Variants in CIT observed in about 807,000 individuals in gnomAD.
The protein encoded by CIT is citron Rho-interacting kinase.
Under a neutral mutation model 272.7 loss-of-function variants are expected in CIT, and 79 were observed. The observed-to-expected ratio is 0.29, with a 90% CI of 0.24 to 0.35. CIT has a LOEUF of 0.35. Ranked by LOEUF, CIT falls within the 10% of genes least tolerant of loss-of-function variation. The pLI, the probability that CIT is intolerant of heterozygous loss-of-function variation, is 1.00. For synonymous variants in CIT, 948 were observed against 995.6 expected (o/e 0.95, Z 0.90); for missense variants, 1,909 against 2,618.3 (o/e 0.73, Z 5.91).
chr12:119,752,990 T>A (rs1960452940), intron 22 of CIT, among the ~76,000 whole-genome samples: 1 of 152,178 alleles, frequency 6.6e-6, no homozygotes, highest in South Asian at 2.1e-4. Flanking sequence ...CTGGATCTGT[T>A]AAATTCTGTT....
intron 10 of CIT, among the ~76,000 whole-genome samples, chr12:119,788,563 T>C (rs1205395221): frequency 6.6e-6 from 1 of 152,164 alleles, no homozygotes; most frequent in Non-Finnish European, 1.5e-5. Context: ...AGGTAGGATG[T>C]GGCGTGAAAA....
intron 24 of CIT, among the ~76,000 whole-genome samples, chr12:119,740,536 T>C (rs1394758552): frequency 7.0e-6 from 1 of 142,736 alleles, no homozygotes; most frequent in African/African-American, 2.6e-5. Context: ...TCAATAAAAC[T>C]GTAAAAAAAA....
rs776729880 is a variant in CIT, at chr12:119,701,616, C to T, written c.5542+8G>A. ...CCCAAAAGGGCAGTGGGCGCAGCCA[C>T]GACTCACCGTGGAAACACAGCAAGT... is the stretch of plus-strand genomic sequence containing the variant. On this transcript the variant is annotated splice_region_variant and intron_variant, in intron 43 of 47. Coordinates refer to ENST00000392521, the MANE Select transcript of CIT (RefSeq NM_001206999.2). The T allele has an allele frequency of 1.7e-5, 27 of 1,612,640 alleles. No homozygotes were observed. The highest frequency in any genetic ancestry group is 1.4e-4 in the South Asian group (13 of 91,052).
chr12:119,700,029 GTGT>G (rs929368428), intron 44 of CIT: 5 of 413,632 alleles, frequency 1.2e-5, no homozygotes, highest in East Asian at 7.2e-5. Flanking sequence ...GTTCATCGTA[GTGT>G]TGTTTACACT....
chr12:119,807,772 A>AT (rs1304669307), intron 9 of CIT, among the ~76,000 whole-genome samples: 1 of 152,062 alleles, frequency 6.6e-6, no homozygotes, highest in Non-Finnish European at 1.5e-5. Context: ...TACACTAATC[A>AT]TTTCTGATAC....
At position 119,712,926 on chromosome 12, in the gene CIT, G is replaced by C. The variant is rs757529165; in HGVS notation, c.4580-231C>G. 1.7e-6 allele frequency: 1 copy of C among 578,562 alleles called. No individual in the cohort carries two copies. Among genetic ancestry groups the C allele is most frequent in the East Asian group, 2.9e-5 (1 of 34,462 alleles). 35.8% of individuals were successfully genotyped at this position (578,562 alleles called of 1,614,324 possible). A position where few individuals can be genotyped will look rare whatever the true frequency, so the allele number is the denominator to read the frequency against. On this transcript the variant is annotated intron_variant, in intron 35 of 47. Coordinates refer to ENST00000392521, the MANE Select transcript of CIT (RefSeq NM_001206999.2). The surrounding 1 kb of genome is among the most constrained non-coding windows in gnomAD (Gnocchi z 5.2). ...ACAGTCAAATTTCTGATGACGATGCGGATTTATGGGTTAGTTGACTGAGGC... is the reference window on the plus strand; with the variant it reads ...ACAGTCAAATTTCTGATGACGATGCCGATTTATGGGTTAGTTGACTGAGGC...
Position 119,731,761 on chromosome 12 carries a change from G to A in CIT, c.3351-1131C>T, listed in dbSNP as rs553461521. On this transcript the variant is annotated intron_variant, in intron 26 of 47. Coordinates refer to ENST00000392521, the MANE Select transcript of CIT (RefSeq NM_001206999.2). ...AAACTATTCCCACTTTCTCTTCTCA[G>A]GAGCAACCTCACCTTGTTCTGTAAC... Among the ~76,000 whole-genome samples the A allele has an allele frequency of 3.3e-5, 5 of 149,902 alleles. No individual in the cohort carries two copies. The South Asian group carries it at 1.1e-3, about 32-fold the overall frequency.
chr12:119,876,210 G>A, intron 1 of CIT, 29 bp from the exon 2 acceptor site: 6 of 1,459,924 alleles, frequency 4.1e-6, no homozygotes, highest in Middle Eastern at 1.8e-4. Context: ...AGTCAAGTGT[G>A]TCCTATGTTT....
chr12:119,830,995 G>T (rs1414223247), intron 7 of CIT, among the ~76,000 whole-genome samples: 1 of 152,068 alleles, frequency 6.6e-6, no homozygotes, highest in African/African-American at 2.4e-5. Context: ...CCTCCCATGT[G>T]GCTGGAGCTA....
At chr12:119,731,428 T>C (rs1383322145) in intron 26 of CIT, among the ~76,000 whole-genome samples, 1 of 139,372 alleles carries the variant, frequency 7.2e-6, no homozygotes, top group Non-Finnish European at 1.5e-5. Flanking sequence ...TGAGCCGAGA[T>C]GGCACCACTG....
At chr12:119,729,693 C>T (rs868367078) in intron 27 of CIT, among the ~76,000 whole-genome samples, 7 of 152,232 alleles carry the variant, frequency 4.6e-5, no homozygotes, top group African/African-American at 1.7e-4. Flanking sequence ...GGGTGACCAG[C>T]CATTATTTCT....
In CIT at chr12:119,835,611, A is replaced by G. The variant is rs144165221; in HGVS notation, c.517-1383T>C. On this transcript the variant is annotated intron_variant, in intron 5 of 47. Coordinates refer to ENST00000392521, the MANE Select transcript of CIT (RefSeq NM_001206999.2). ...AAGATCTGAATATACTTCTTAAAAAAAACACTAAATCTCACAAACTACTGC... is the reference window on the plus strand; with the variant it reads ...AAGATCTGAATATACTTCTTAAAAAGAACACTAAATCTCACAAACTACTGC... 1.2e-3 allele frequency among the ~76,000 whole-genome samples: 179 copies of G among 152,344 alleles called. 1 individual carries two copies. Among genetic ancestry groups the G allele is most frequent in the African/African-American group, 4.2e-3 (173 of 41,574 alleles).
intron 18 of CIT, among the ~76,000 whole-genome samples, chr12:119,767,773 GGACAAA>G (rs1400248188): frequency 3.3e-5 from 5 of 151,682 alleles, no homozygotes; most frequent in African/African-American, 2.4e-5. Context: ...ATGCAAATGG[GGACAAA>G]GACAAACATA....
At chr12:119,719,596 TG>T (rs1957726252) in intron 30 of CIT, among the ~76,000 whole-genome samples, 1 of 152,214 alleles carries the variant, frequency 6.6e-6, no homozygotes, top group Non-Finnish European at 1.5e-5. Context: ...AGGCGGCCTC[TG>T]AATGTTGTGC....
chr12:119,705,502 G>A (rs1050977300), intron 40 of CIT, among the ~76,000 whole-genome samples: 1 of 152,170 alleles, frequency 6.6e-6, no homozygotes, highest in Non-Finnish European at 1.5e-5. Flanking sequence ...GGACTGGGTA[G>A]TGAGTGTGTG....
chr12:119,805,469 T>C (rs1409813132), intron 9 of CIT, among the ~76,000 whole-genome samples: 1 of 152,228 alleles, frequency 6.6e-6, no homozygotes, highest in African/African-American at 2.4e-5. Flanking sequence ...AATTGCATGC[T>C]TAGGAGAGAA....
chr12:119,836,925 C>T lies in CIT; in HGVS notation c.517-2697G>A, dbSNP rs867907379. Among the ~76,000 whole-genome samples, 12 of 152,338 alleles carry T rather than the reference C, an allele frequency of 7.9e-5. No individual in the cohort carries two copies. In the South Asian group the frequency reaches 2.3e-3, roughly 29 times the overall value. On this transcript the variant is annotated intron_variant, in intron 5 of 47. Coordinates refer to ENST00000392521, the MANE Select transcript of CIT (RefSeq NM_001206999.2). ...CTTTGCTTCCATTCAGAAGATCCAA[C>T]TTCCTGAACTGAAAATCCCCTCCCA...
In CIT at chr12:119,822,939, C is replaced by T. The variant is rs1243545144; in HGVS notation, c.992G>A (p.Ser331Asn). The T allele has an allele frequency of 1.2e-6, 2 of 1,613,816 alleles. No individual in the cohort carries two copies. Among genetic ancestry groups the T allele is most frequent in the South Asian group, 2.2e-5 (2 of 90,966 alleles). The change falls in exon 9 of 48, where the codon AGC becomes AAC. Residue 331 changes from serine to asparagine, a missense_variant. This residue lies in a region of CIT where 529 missense variants were observed against 549.6 expected (regional missense o/e 0.96). Coordinates refer to ENST00000392521, the MANE Select transcript of CIT (RefSeq NM_001206999.2). ...FLKFPDDPKVSSDFLDLIQSL... is the reference protein window; with the variant it reads ...FLKFPDDPKVNSDFLDLIQSL... ...TTGAATCAGATCAAGAAAGTCACTG[C>T]TCACTTTGGGGTCATCTGGAAATTT...
intron 7 of CIT, among the ~76,000 whole-genome samples, chr12:119,827,563 G>A (rs1230140976): frequency 1.3e-5 from 2 of 151,800 alleles, no homozygotes; most frequent in South Asian, 2.1e-4. Context: ...TCAGCCTCTC[G>A]AGTAACTGCG....
Sources: gnomAD v4.1 joint callset for allele counts (sites outside exome capture counted in the v4.1 genomes callset) on GRCh38, gnomAD v4.1.1 for gene constraint, gnomAD v4.1.1 regional missense constraint, Gnocchi (gnomAD v3.1) non-coding constraint, MANE v1.5 for transcripts, NCBI Gene and HGNC (gene_info 2026-07-23, HGNC 2026-07-21) for gene names.